TUT4: variants seen among roughly 807,000 people sequenced by gnomAD.
TUT4 encodes terminal uridylyltransferase 4.
A neutral mutation model predicts 192.2 loss-of-function variants in TUT4; 36 were observed. That is an observed-to-expected ratio of 0.19 (90% CI 0.14 to 0.25). The LOEUF (loss-of-function observed/expected upper bound fraction) is 0.25, where lower values mean the gene tolerates loss of function less well. Ranked by LOEUF, TUT4 falls within the 10% of genes least tolerant of loss-of-function variation. The pLI is 1.00. For synonymous variants in TUT4, 618 were observed against 666.0 expected (o/e 0.93, Z 1.11); for missense variants, 1,493 against 1,957.2 (o/e 0.76, Z 4.47).
intron 1 of TUT4, among the ~76,000 whole-genome samples, chr1:52,534,761 G>C (rs1406853781): frequency 6.6e-6 from 1 of 152,086 alleles, no homozygotes; most frequent in Non-Finnish European, 1.5e-5. Flanking sequence ...TACTTGGGAG[G>C]CTGAGGTGGA....
chr1:52,543,911 G>A (rs149399531), intron 1 of TUT4, among the ~76,000 whole-genome samples: 1 of 152,122 alleles, frequency 6.6e-6, no homozygotes, highest in Non-Finnish European at 1.5e-5. Flanking sequence ...GGAATCTCAA[G>A]AGACCCCAAA....
At chr1:52,472,429 T>C (rs1407286179) in intron 13 of TUT4, among the ~76,000 whole-genome samples, 1 of 152,052 alleles carries the variant, frequency 6.6e-6, no homozygotes, top group African/African-American at 2.4e-5. Context: ...ATTTTTAACT[T>C]ACTGAGATCT....
rs1479896227 is a variant in TUT4, at chr1:52,481,346, A to C, written c.1848+77T>G. ...CTTGCTCAAGGTCAGTCAATCTACA[A>C]TTAAAATAGCTTCAATCGAAGAATA... On this transcript the variant is annotated intron_variant, in intron 11 of 29. Coordinates refer to ENST00000257177, the MANE Select transcript of TUT4 (RefSeq NM_001009881.3). 4 of 1,490,884 alleles carry C rather than the reference A, an allele frequency of 2.7e-6. No homozygotes were observed. In the Admixed American group the frequency reaches 7.0e-5, roughly 26 times the overall value. The allele number at this position is 1,490,884 out of a possible 1,614,324, so 92.4% of individuals were successfully genotyped here.
At chr1:52,540,516 A>G (rs1233746819) in intron 1 of TUT4, among the ~76,000 whole-genome samples, 5 of 146,808 alleles carry the variant, frequency 3.4e-5, no homozygotes, top group Non-Finnish European at 7.5e-5. Context: ...CTCCGACTCA[A>G]AAAAAAAAAA....
At chr1:52,519,119 T>C (rs374319250) in intron 2 of TUT4, among the ~76,000 whole-genome samples, 5 of 152,086 alleles carry the variant, frequency 3.3e-5, no homozygotes, top group African/African-American at 1.2e-4. Context: ...ATGGAAACAA[T>C]CCAAATATCC....
intron 24 of TUT4, among the ~76,000 whole-genome samples, chr1:52,440,160 T>C (rs977312939): frequency 6.6e-6 from 1 of 152,244 alleles, no homozygotes; most frequent in Admixed American, 6.5e-5. Flanking sequence ...CAAGGGTTTA[T>C]TTTAGAGAAG....
At chr1:52,427,332 G>A (rs1650316208) in intron 28 of TUT4, among the ~76,000 whole-genome samples, 1 of 152,094 alleles carries the variant, frequency 6.6e-6, no homozygotes, top group African/African-American at 2.4e-5. Flanking sequence ...AGAGGTAACG[G>A]AGAGGACATT....
At chr1:52,478,910 C>T (rs939143751) in intron 11 of TUT4, among the ~76,000 whole-genome samples, 11 of 152,064 alleles carry the variant, frequency 7.2e-5, no homozygotes, top group African/African-American at 2.7e-4. Context: ...AAGATCTTGC[C>T]TTCATGGATC....
intron 1 of TUT4, among the ~76,000 whole-genome samples, chr1:52,551,691 C>CACACACAT (rs1272621667): frequency 2.0e-5 from 3 of 152,194 alleles, no homozygotes; most frequent in African/African-American, 7.2e-5. Context: ...CGCGCGCACA[C>CACACACAT]ACACACATAC....
chr1:52,467,467 T>C (rs530590831), intron 15 of TUT4, among the ~76,000 whole-genome samples: 3 of 152,160 alleles, frequency 2.0e-5, no homozygotes, highest in African/African-American at 4.8e-5. Context: ...GCAAATCCTA[T>C]TGGTTCTACC....
At chr1:52,490,653 T>G in intron 8 of TUT4, 79 bp downstream of exon 8, 1 of 1,274,498 alleles carries the variant, frequency 7.8e-7, no homozygotes, top group East Asian at 2.5e-5. Flanking sequence ...ACAAAAACTT[T>G]TTCTCTTAAA....
chr1:52,516,559 C>T (rs1393139017), intron 2 of TUT4, among the ~76,000 whole-genome samples: 1 of 152,236 alleles, frequency 6.6e-6, no homozygotes, highest in Non-Finnish European at 1.5e-5. Flanking sequence ...TTTTCCTTTG[C>T]TTCTCTGCCT....
At chr1:52,540,528 G>A (rs13373983) in intron 1 of TUT4, among the ~76,000 whole-genome samples, 12,719 of 144,322 alleles carry the variant, frequency 0.088, 1,966 homozygotes, top group African/African-American at 0.33. Context: ...AAAAAAAAAA[G>A]AAAGAAAGAA....
intron 9 of TUT4, among the ~76,000 whole-genome samples, chr1:52,482,444 G>A (rs568046849): frequency 4.6e-5 from 7 of 152,172 alleles, no homozygotes; most frequent in East Asian, 3.9e-4. Context: ...GATCTAACAC[G>A]TTATTTTATT....
At chr1:52,493,909 C>A (rs1454128023) in intron 6 of TUT4, among the ~76,000 whole-genome samples, 1 of 151,544 alleles carries the variant, frequency 6.6e-6, no homozygotes, top group African/African-American at 2.4e-5. Flanking sequence ...ACTCCTCCTG[C>A]CTCAGCATCC....
At chr1:52,425,558 T>C (rs766155580) in intron 28 of TUT4, 51 bp from the exon 29 acceptor site, 9 of 1,536,072 alleles carry the variant, frequency 5.9e-6, no homozygotes, top group South Asian at 2.5e-5. Flanking sequence ...AGTTCATTCA[T>C]TGAAATATCC....
chr1:52,537,591 G>A (rs1685274164), intron 1 of TUT4, among the ~76,000 whole-genome samples: 1 of 152,068 alleles, frequency 6.6e-6, no homozygotes, highest in South Asian at 2.1e-4. Context: ...AATCAAAAAG[G>A]AAACAGAGGA....
chr1:52,484,595 A>T (rs537159209), intron 9 of TUT4, among the ~76,000 whole-genome samples: 1 of 152,254 alleles, frequency 6.6e-6, no homozygotes, highest in South Asian at 2.1e-4. Context: ...TTTAAGTAAA[A>T]TTTATTTTTG....
chr1:52,441,507 C>A (rs1655572908), intron 24 of TUT4, among the ~76,000 whole-genome samples: 1 of 143,522 alleles, frequency 7.0e-6, no homozygotes, highest in Non-Finnish European at 1.5e-5. Context: ...GTTGACCAGG[C>A]TGGTCTCCAA....
Sources: gnomAD v4.1 joint callset for allele counts (sites outside exome capture counted in the v4.1 genomes callset) on GRCh38, gnomAD v4.1.1 for gene constraint, MANE v1.5 for transcripts, NCBI Gene and HGNC (gene_info 2026-07-23, HGNC 2026-07-21) for gene names.